KIAA0825: variants seen among roughly 807,000 people sequenced by gnomAD.
KIAA0825 encodes KIAA0825, also known as uncharacterized protein KIAA0825.
KIAA0825 carries 119 observed loss-of-function variants against 147.6 expected under a neutral mutation model. That is an observed-to-expected ratio of 0.81 (90% CI 0.69 to 0.94). KIAA0825 has a LOEUF of 0.94. KIAA0825 is among the 40% of genes least tolerant of loss of function. The pLI, the probability that KIAA0825 is intolerant of heterozygous loss-of-function variation, is 0.00. For synonymous variants in KIAA0825, 470 were observed against 518.1 expected, an observed-to-expected ratio of 0.91 and a Z score of 1.26; for missense variants, 1,381 against 1,472.7, an observed-to-expected ratio of 0.94 and a Z score of 1.02.
intron 20 of KIAA0825, among the ~76,000 whole-genome samples, chr5:94,177,401 A>T (rs1769202773): frequency 6.6e-6 from 1 of 151,964 alleles, no homozygotes; most frequent in Non-Finnish European, 1.5e-5. Flanking sequence ...TCTTTTTTTA[A>T]TAACTATAAT....
chr5:94,180,145 A>C (rs1769470866), intron 20 of KIAA0825, among the ~76,000 whole-genome samples: 1 of 152,070 alleles, frequency 6.6e-6, no homozygotes, highest in African/African-American at 2.4e-5. Flanking sequence ...CCAAATGATC[A>C]AGGGTAACAT....
At chr5:94,395,595 T>C (rs1750539948) in intron 17 of KIAA0825, among the ~76,000 whole-genome samples, 2 of 152,186 alleles carry the variant, frequency 1.3e-5, no homozygotes, top group Admixed American at 6.6e-5. Context: ...TGGGTGTGTT[T>C]ATAGCTGGAG....
At chr5:94,407,420 A>C (rs1752212161) in intron 15 of KIAA0825, among the ~76,000 whole-genome samples, 1 of 152,240 alleles carries the variant, frequency 6.6e-6, no homozygotes, top group Non-Finnish European at 1.5e-5. Context: ...CATCATTCAT[A>C]ACAGCCAAAA....
At chr5:94,244,791 T>A (rs1366933004) in intron 20 of KIAA0825, among the ~76,000 whole-genome samples, 1 of 152,206 alleles carries the variant, frequency 6.6e-6, no homozygotes, top group African/African-American at 2.4e-5. Flanking sequence ...ACCCCTCCAA[T>A]TAATATGAAA....
chr5:94,475,260 CA>C (rs1370534273), intron 7 of KIAA0825, among the ~76,000 whole-genome samples: 4 of 152,116 alleles, frequency 2.6e-5, no homozygotes, highest in South Asian at 2.1e-4. Flanking sequence ...AAAATTCAAA[CA>C]AAAAAATTCT....
intron 2 of KIAA0825, among the ~76,000 whole-genome samples, chr5:94,565,229 G>A (rs1778478939): frequency 6.7e-6 from 1 of 148,686 alleles, no homozygotes; most frequent in African/African-American, 2.5e-5. Context: ...CACCATGCCT[G>A]GTCTCTCCCT....
chr5:94,556,051 A>T (rs1227768443), intron 2 of KIAA0825, among the ~76,000 whole-genome samples: 1 of 148,418 alleles, frequency 6.7e-6, no homozygotes, highest in African/African-American at 2.4e-5. Flanking sequence ...ATGAGACATC[A>T]ATTACTTTTT....
chr5:94,293,805 T>A (rs1373186468), intron 20 of KIAA0825, among the ~76,000 whole-genome samples: 1 of 152,242 alleles, frequency 6.6e-6, no homozygotes, highest in Non-Finnish European at 1.5e-5. Flanking sequence ...ATGTATTGGG[T>A]GCATATAAAT....
chr5:94,310,431 G>A (rs1434428355), intron 20 of KIAA0825, among the ~76,000 whole-genome samples: 2 of 151,602 alleles, frequency 1.3e-5, no homozygotes, highest in African/African-American at 2.4e-5. Flanking sequence ...CAAAACCAGA[G>A]TTCTTAATTA....
At position 94,364,142 on chromosome 5, in the gene KIAA0825, G is replaced by C. The variant is rs753875953; in HGVS notation, c.3710+20226C>G. Among the ~76,000 whole-genome samples, 53 of 151,946 alleles carry C rather than the reference G, an allele frequency of 3.5e-4. 1 individual carries two copies. The highest frequency in any genetic ancestry group is 6.5e-4 in the Non-Finnish European group (44 of 68,010). On this transcript the variant is annotated intron_variant, in intron 20 of 20. Coordinates refer to ENST00000682413, the MANE Select transcript of KIAA0825 (RefSeq NM_001145678.3). ...AAGCATTAGTGAATTTCACAAGGTA[G>C]CTCATGCTGGACATCAACGTATATA...
chr5:94,584,384 G>A (rs141132137), intron 1 of KIAA0825, among the ~76,000 whole-genome samples: 2,403 of 152,204 alleles, frequency 0.016, 64 homozygotes, highest in African/African-American at 0.054. Context: ...CGAGAACTTC[G>A]TGAAGCATAC....
At chr5:94,190,203 C>T (rs181363517) in intron 20 of KIAA0825, among the ~76,000 whole-genome samples, 24 of 152,244 alleles carry the variant, frequency 1.6e-4, no homozygotes, top group Non-Finnish European at 2.6e-4. Flanking sequence ...TCTACCTAGC[C>T]GATCACGTCA....
chr5:94,176,649 A>C (rs1769130069), intron 20 of KIAA0825, among the ~76,000 whole-genome samples: 1 of 152,134 alleles, frequency 6.6e-6, no homozygotes, highest in Non-Finnish European at 1.5e-5. Flanking sequence ...GCATAAAAAA[A>C]ATCTGCCATA....
In KIAA0825 at chr5:94,396,310, TC is replaced by T; in HGVS notation, c.3086del (p.Gly1029GlufsTer7). ...CACCTGTTAAAAGTTCCACAGTGTT[TC>T]CGTCCTCAAATATCCGACATATAAT... is the stretch of plus-strand genomic sequence containing the variant. ...IVIICRIFED[G>X]NTVELLTGAS... On this transcript the variant is annotated frameshift_variant, in exon 17 of 21. Coordinates refer to ENST00000682413, the MANE Select transcript of KIAA0825 (RefSeq NM_001145678.3). LOFTEE classifies it high-confidence loss of function. 1 of 1,550,732 alleles carries T rather than the reference TC, an allele frequency of 6.4e-7. No individual in the cohort carries two copies. Among genetic ancestry groups the T allele is most frequent in the Non-Finnish European group, 8.7e-7 (1 of 1,146,618 alleles).
chr5:94,417,273 G>C lies in KIAA0825; in HGVS notation c.2590C>G (p.Gln864Glu), dbSNP rs1210340626. 6.4e-7 allele frequency: 1 copy of C among 1,551,026 alleles called. No individual in the cohort carries two copies. The highest frequency in any genetic ancestry group is 1.2e-5 in the South Asian group (1 of 84,034). ...CTCACAAAAACGTTTGCAAATGTTT[G>C]TGGAGAAAAACTGCAATGGTACAAT... Reference protein sequence around the residue: ...KILYHCSFSPQTFANVFVSYM... With the variant: ...KILYHCSFSPETFANVFVSYM... Residue 864 changes from glutamine (Q) to glutamate (E), a missense_variant, in exon 15 of 21, where the codon CAA becomes GAA. Coordinates refer to ENST00000682413, the MANE Select transcript of KIAA0825 (RefSeq NM_001145678.3).
At chr5:94,422,977 T>G (rs1274060928) in intron 14 of KIAA0825, among the ~76,000 whole-genome samples, 1 of 152,058 alleles carries the variant, frequency 6.6e-6, no homozygotes, top group East Asian at 1.9e-4. Flanking sequence ...CTCATCTGAG[T>G]GTTGAGTTTG....
intron 17 of KIAA0825, among the ~76,000 whole-genome samples, chr5:94,393,695 T>C (rs1750219813): frequency 6.6e-6 from 1 of 152,192 alleles, no homozygotes; most frequent in African/African-American, 2.4e-5. Context: ...AAGGCAACCC[T>C]CTACCTAATA....
chr5:94,439,621 G>C (rs1266380508), intron 14 of KIAA0825, among the ~76,000 whole-genome samples: 1 of 152,006 alleles, frequency 6.6e-6, no homozygotes, highest in Non-Finnish European at 1.5e-5. Flanking sequence ...GTCTGTCTCT[G>C]TCTCTCTCTT....
chr5:94,230,366 C>G (rs1185224582), intron 20 of KIAA0825, among the ~76,000 whole-genome samples: 1 of 152,168 alleles, frequency 6.6e-6, no homozygotes, highest in East Asian at 1.9e-4. Context: ...ATTGTGGACT[C>G]AGAAACTTCC....
Sources: allele counts gnomAD v4.1 joint callset (sites outside exome capture counted in the v4.1 genomes callset), GRCh38; gene constraint gnomAD v4.1.1; transcripts MANE v1.5; gene names NCBI Gene and HGNC (gene_info 2026-07-23, HGNC 2026-07-21).